TRPS1: variants seen among roughly 807,000 people sequenced by gnomAD.
TRPS1 encodes the protein zinc finger transcription factor Trps1.
A neutral mutation model predicts 101.2 loss-of-function variants in TRPS1; 6 were observed. The ratio of observed to expected loss-of-function variants is 0.06; its 90% CI spans 0.03 to 0.12. TRPS1 has a LOEUF of 0.12. Ranked by LOEUF, TRPS1 falls within the 10% of genes least tolerant of loss-of-function variation. TRPS1 has a pLI of 1.00. For synonymous variants in TRPS1, 578 were observed against 589.8 expected (o/e 0.98, Z 0.29); for missense variants, 1,363 against 1,567.0 (o/e 0.87, Z 2.20).
intron 1 of TRPS1, among the ~76,000 whole-genome samples, chr8:115,666,161 G>T (rs1184975300): frequency 1.3e-5 from 2 of 152,038 alleles, no homozygotes; most frequent in Non-Finnish European, 2.9e-5. Flanking sequence ...TGAATCTAGA[G>T]ATGTTTTTAT....
chr8:115,517,997 G>C (rs1372535411), intron 5 of TRPS1, among the ~76,000 whole-genome samples: 1 of 138,146 alleles, frequency 7.2e-6, no homozygotes, highest in Non-Finnish European at 1.6e-5. Context: ...CCGCTCTGGT[G>C]TAGGAAAGGC....
chr8:115,493,207 G>A (rs142927410), intron 5 of TRPS1, among the ~76,000 whole-genome samples: 2 of 152,196 alleles, frequency 1.3e-5, no homozygotes, highest in African/African-American at 4.8e-5. Flanking sequence ...CAGGTTTTTA[G>A]CCTATCACCA....
In TRPS1 at chr8:115,604,495, A is replaced by T; in HGVS notation, c.1474T>A (p.Ser492Thr). The T allele has an allele frequency of 6.2e-7, 1 of 1,614,076 alleles. No individual in the cohort carries two copies. The highest frequency in any genetic ancestry group is 2.2e-5 in the East Asian group (1 of 44,868). Residue 492 changes from serine (S) to threonine (T), a missense_variant, in exon 4 of 7, where the codon TCT (serine) becomes ACT (threonine). By Grantham distance (58) the Ser-to-Thr change is moderately conservative (BLOSUM62 1). Transcript: ENST00000395715. This position sits in a 1 kb window ranked among gnomAD's most constrained non-coding sequence, Gnocchi z 4.1. The stretch of plus-strand genomic sequence containing the variant: ...GCTAGATCATTCTGATTAATGACAG[A>T]GCCCCTGGAAAGCTTATCATTTAAC... ...PELNDKLSRG[S>T]VINQNDLAKS...
At chr8:115,575,614 T>A (rs761945470) in intron 5 of TRPS1, among the ~76,000 whole-genome samples, 4 of 152,086 alleles carry the variant, frequency 2.6e-5, no homozygotes, top group African/African-American at 4.8e-5. Flanking sequence ...AATTTGTTTC[T>A]CCACTTAATC....
chr8:115,410,431 C>T lies in TRPS1; in HGVS notation c.*3592G>A, dbSNP rs2129725409. 6.6e-6 allele frequency: 1 copy of T among 152,414 alleles called. No homozygotes were observed. The highest frequency in any genetic ancestry group is 2.1e-4 in the South Asian group (1 of 4,816). The allele number at this position is 152,414 out of a possible 1,614,324, so 9.4% of individuals were successfully genotyped here. On this transcript the variant is annotated 3_prime_UTR_variant, in exon 7 of 7. Transcript: ENST00000395715. ...CCATGCTTGTTTTATAAAAATCTAC[C>T]TTCACTAAAACAGAACAGTTTAGAA... is the stretch of plus-strand genomic sequence containing the variant.
intron 3 of TRPS1, among the ~76,000 whole-genome samples, chr8:115,611,167 T>C (rs1818154716): frequency 6.7e-6 from 1 of 148,862 alleles, no homozygotes; most frequent in Non-Finnish European, 1.5e-5. Context: ...CAATATTTTA[T>C]AGGAAAAATA....
intron 5 of TRPS1, among the ~76,000 whole-genome samples, chr8:115,530,693 A>T (rs967428974): frequency 6.6e-6 from 1 of 152,172 alleles, no homozygotes; most frequent in East Asian, 1.9e-4. Flanking sequence ...ATGCCCATCA[A>T]TGACAGACTG....
At chr8:115,576,912 T>C (rs1332936530) in intron 5 of TRPS1, among the ~76,000 whole-genome samples, 1 of 152,158 alleles carries the variant, frequency 6.6e-6, no homozygotes, top group Non-Finnish European at 1.5e-5. Context: ...AAACTGTCCA[T>C]CCAGACAATT....
At chr8:115,552,601 A>G (rs577491896) in intron 5 of TRPS1, among the ~76,000 whole-genome samples, 1 of 152,324 alleles carries the variant, frequency 6.6e-6, no homozygotes, top group Non-Finnish European at 1.5e-5. Flanking sequence ...TTGTTACAGT[A>G]CAGAAATAAA....
chr8:115,478,891 GTGTATATATGTATATAAA>G (rs1450309468), intron 5 of TRPS1, among the ~76,000 whole-genome samples: 1 of 144,596 alleles, frequency 6.9e-6, no homozygotes, highest in African/African-American at 2.5e-5. Context: ...ATATATGTAT[GTGTATATATGTATATAAA>G]TGTATATATG....
chr8:115,474,478 T>C (rs7818121), intron 5 of TRPS1, among the ~76,000 whole-genome samples: 13 of 152,292 alleles, frequency 8.5e-5, no homozygotes, highest in Admixed American at 2.6e-4. Flanking sequence ...CTAGCAATGA[T>C]ACTATTATAG....
chr8:115,560,439 G>C (rs1476714580), intron 5 of TRPS1, among the ~76,000 whole-genome samples: 1 of 152,070 alleles, frequency 6.6e-6, no homozygotes, highest in Non-Finnish European at 1.5e-5. Flanking sequence ...AGGTGTAAAG[G>C]GGCCATTTAA....
intron 1 of TRPS1, among the ~76,000 whole-genome samples, chr8:115,644,339 G>A (rs1818966975): frequency 6.6e-6 from 1 of 152,178 alleles, no homozygotes; most frequent in African/African-American, 2.4e-5. Flanking sequence ...ATCATCACTT[G>A]CTGCTTCACC....
At chr8:115,637,017 C>A (rs748076650) in intron 1 of TRPS1, among the ~76,000 whole-genome samples, 1 of 151,772 alleles carries the variant, frequency 6.6e-6, no homozygotes, top group Admixed American at 6.6e-5. Flanking sequence ...TTATTTCTTT[C>A]GTTCATAATA....
intron 4 of TRPS1, 134 bp from the exon 5 acceptor site, chr8:115,587,738 C>T: frequency 6.9e-7 from 1 of 1,448,268 alleles, no homozygotes. Flanking sequence ...ATATTCTTAA[C>T]ACCCCAAAAC....
chr8:115,534,531 G>A lies in TRPS1; in HGVS notation c.2700+52470C>T, dbSNP rs185532008. Among the ~76,000 whole-genome samples the A allele has an allele frequency of 4.8e-4, 73 of 152,338 alleles. No homozygotes were observed. In the East Asian group the frequency reaches 9.4e-3, roughly 20 times the overall value. On this transcript the variant is annotated intron_variant, in intron 5 of 6. Coordinates refer to ENST00000395715, the MANE Select transcript of TRPS1 (RefSeq NM_014112.5). ...ACTGGAGGTTGAAGCTCTAACCCCC[G>A]GTGTGATGGTATTTGGGGAGCAACA...
intron 3 of TRPS1, among the ~76,000 whole-genome samples, chr8:115,606,977 T>G (rs1276874190): frequency 6.6e-6 from 1 of 152,140 alleles, no homozygotes; most frequent in Non-Finnish European, 1.5e-5. Context: ...AAAAATTTTC[T>G]TGTTTAAGCT....
At chr8:115,446,748 G>A (rs1813747940) in intron 5 of TRPS1, among the ~76,000 whole-genome samples, 2 of 152,108 alleles carry the variant, frequency 1.3e-5, no homozygotes, top group Non-Finnish European at 2.9e-5. Flanking sequence ...AAGTTATGGG[G>A]ATTACAAAAT....
rs1224374186 is a variant in TRPS1 at position 115,587,089 on chromosome 8, G to T, written c.2612C>A (p.Ala871Asp). The change falls in exon 5 of 7, where the codon GCT becomes GAT. Residue 871 changes from alanine (A) to aspartate (D), a missense_variant. Ala to Asp is a moderately radical substitution (Grantham distance 126). This residue lies in a region of TRPS1 where 1,020 missense variants were observed against 1,073.0 expected (regional missense o/e 0.95). Transcript: ENST00000395715. The stretch of plus-strand genomic sequence containing the variant: ...GAGGGCCCCAGACTTCTCTCCGCCA[G>T]CTGGCGCCCCCTGCAGGAATCCCTT... ...ETKGFLQGAPAGGEKSGALPQ... is the reference protein window; with the variant it reads ...ETKGFLQGAPDGGEKSGALPQ... 1.2e-6 allele frequency: 2 copies of T among 1,614,156 alleles called. No individual in the cohort carries two copies. The highest frequency in any genetic ancestry group is 1.7e-5 in the Admixed American group (1 of 60,030).
Sources: allele counts gnomAD v4.1 joint callset (sites outside exome capture counted in the v4.1 genomes callset), GRCh38; gene constraint gnomAD v4.1.1; regional missense constraint gnomAD v4.1.1; non-coding constraint Gnocchi (gnomAD v3.1); transcripts MANE v1.5; gene names NCBI Gene and HGNC (gene_info 2026-07-23, HGNC 2026-07-21).